Variants in CACNA1I observed in about 807,000 individuals in gnomAD.
CACNA1I encodes the protein voltage-dependent T-type calcium channel subunit alpha-1I.
A neutral mutation model predicts 201.6 loss-of-function variants in CACNA1I; 74 were observed. The ratio of observed to expected loss-of-function variants is 0.37; its 90% CI spans 0.30 to 0.45. The LOEUF is 0.45. Ranked by LOEUF, CACNA1I falls within the 20% of genes least tolerant of loss-of-function variation. CACNA1I has a pLI of 1.00. For synonymous variants in CACNA1I, 1,431 were observed against 1,345.2 expected (o/e 1.06, Z -1.40); for missense variants, 2,346 against 3,138.1 (o/e 0.75, Z 6.03).
chr22:39,673,235 G>A (rs924326918), intron 28 of CACNA1I, among the ~76,000 whole-genome samples, 153 bp downstream of exon 28: 4 of 151,984 alleles, frequency 2.6e-5, no homozygotes, highest in Admixed American at 2.0e-4. Context: ...GGGGTGAGAA[G>A]GAGCTGGGAG....
chr22:39,605,460 C>T (rs145003629), intron 3 of CACNA1I, among the ~76,000 whole-genome samples: 110 of 152,318 alleles, frequency 7.2e-4, no homozygotes, highest in African/African-American at 2.5e-3. Context: ...TGGCTCCCAC[C>T]GGATGGTACC....
chr22:39,678,984 G>A, intron 31 of CACNA1I, 123 bp from the exon 32 acceptor site: 1 of 721,764 alleles, frequency 1.4e-6, no homozygotes, highest in East Asian at 2.8e-5. Context: ...GGGCAGCCCG[G>A]GGCCATCTCG....
intron 10 of CACNA1I, among the ~76,000 whole-genome samples, chr22:39,650,771 G>A (rs1033645576): frequency 6.6e-6 from 1 of 152,204 alleles, no homozygotes; most frequent in East Asian, 1.9e-4. Context: ...AGGAGGAGTG[G>A]GCGCTGAGCT....
At chr22:39,655,409 G>A (rs1934786999) in intron 10 of CACNA1I, among the ~76,000 whole-genome samples, 1 of 152,106 alleles carries the variant, frequency 6.6e-6, no homozygotes, top group African/African-American at 2.4e-5. Flanking sequence ...GGCTGAACTT[G>A]GTGTTTTCAG....
Position 39,659,982 on chromosome 22 carries a change from G to T in CACNA1I, c.2604+130G>T. On this transcript the variant is annotated intron_variant, in intron 14 of 36. Coordinates refer to ENST00000402142, the MANE Select transcript of CACNA1I (RefSeq NM_021096.4). This position sits in a 1 kb window ranked among gnomAD's most constrained non-coding sequence, Gnocchi z 4.3. Reference sequence around the variant, plus strand: ...AGGCAACCTATCCCTAAAGGAGGGGGTTGCTGATGAGGTGGTGAGCTCTTC... The same window carrying T: ...AGGCAACCTATCCCTAAAGGAGGGGTTTGCTGATGAGGTGGTGAGCTCTTC... The T allele has an allele frequency of 9.9e-7, 1 of 1,007,456 alleles. No homozygotes were observed. The highest frequency in any genetic ancestry group is 1.5e-5 in the South Asian group (1 of 66,496). 62.4% of individuals were successfully genotyped at this position (1,007,456 alleles called of 1,614,324 possible).
chr22:39,636,216 T>C (rs1934216170), intron 5 of CACNA1I, among the ~76,000 whole-genome samples: 1 of 152,220 alleles, frequency 6.6e-6, no homozygotes, highest in Admixed American at 6.5e-5. Flanking sequence ...TCTCCTCCTC[T>C]GTGGTCTTCC....
At chr22:39,600,955 ATAG>A (rs1199486869) in intron 3 of CACNA1I, among the ~76,000 whole-genome samples, 1 of 152,164 alleles carries the variant, frequency 6.6e-6, no homozygotes, top group African/African-American at 2.4e-5. Flanking sequence ...GGGAATAATA[ATAG>A]TAGCTGCGTC....
At chr22:39,585,044 C>T in intron 1 of CACNA1I, among the ~76,000 whole-genome samples, 1 of 152,174 alleles carries the variant, frequency 6.6e-6, no homozygotes, top group Non-Finnish European at 1.5e-5. Context: ...ACCTTCCTTT[C>T]TAGTTCTATG....
intron 24 of CACNA1I, among the ~76,000 whole-genome samples, chr22:39,669,585 G>GTGGC (rs1327209875): frequency 1.3e-5 from 2 of 150,968 alleles, no homozygotes; most frequent in South Asian, 4.2e-4. Context: ...AAATGAATGG[G>GTGGC]TGGCTGGCTG....
Position 39,664,721 on chromosome 22 carries a change from G to GCCCC in CACNA1I, c.3667-17_3667-14dup. 1 of 1,187,020 alleles carries GCCCC rather than the reference G, an allele frequency of 8.4e-7. No individual in the cohort carries two copies. 73.5% of individuals were successfully genotyped at this position (1,187,020 alleles called of 1,614,324 possible). ...CCCCTCCCGCGGCAGCCTGACCCCG[G>GCCCC]CCCCACCCCCGCCCCAGGTAGTCTC... On this transcript the variant is annotated splice_polypyrimidine_tract_variant and intron_variant, in intron 20 of 36. Coordinates refer to ENST00000402142, the MANE Select transcript of CACNA1I (RefSeq NM_021096.4).
intron 3 of CACNA1I, among the ~76,000 whole-genome samples, chr22:39,614,027 T>C (rs866654992): frequency 6.6e-6 from 1 of 152,138 alleles, no homozygotes; most frequent in Non-Finnish European, 1.5e-5. Flanking sequence ...TTTGTATTTT[T>C]AGTAGAGACA....
chr22:39,678,731 A>G (rs1935590078), intron 31 of CACNA1I, among the ~76,000 whole-genome samples: 1 of 152,052 alleles, frequency 6.6e-6, no homozygotes, highest in South Asian at 2.1e-4. Flanking sequence ...TGAGCTGAAA[A>G]ACCAGAAAGG....
intron 4 of CACNA1I, 90 bp downstream of exon 4, chr22:39,619,497 C>G (rs927203010): frequency 6.6e-6 from 6 of 907,082 alleles, no homozygotes; most frequent in East Asian, 4.8e-5. Flanking sequence ...CCCACCCCCC[C>G]ACCCTGCTTC....
At chr22:39,632,304 A>C (rs894616319) in intron 4 of CACNA1I, among the ~76,000 whole-genome samples, 15 of 152,030 alleles carry the variant, frequency 9.9e-5, no homozygotes, top group African/African-American at 2.9e-4. Flanking sequence ...TCTTTTTTGA[A>C]GCTCAGAGCT....
chr22:39,649,102 A>G lies in CACNA1I; in HGVS notation c.1568-399A>G, dbSNP rs1240925272. Among the ~76,000 whole-genome samples, 3 of 152,124 alleles carry G rather than the reference A, an allele frequency of 2.0e-5. No homozygotes were observed. Among genetic ancestry groups the G allele is most frequent in the East Asian group, 1.9e-4 (1 of 5,188 alleles). On this transcript the variant is annotated intron_variant, in intron 9 of 36. Transcript: ENST00000402142. The surrounding 1 kb of genome is among the most constrained non-coding windows in gnomAD (Gnocchi z 7.3). Reference sequence around the variant, plus strand: ...CTTCTCTGACGGGGGCTGCCCCCACATTGGCCTGACTCTTTCAGAATCACA... The same window carrying G: ...CTTCTCTGACGGGGGCTGCCCCCACGTTGGCCTGACTCTTTCAGAATCACA...
intron 3 of CACNA1I, among the ~76,000 whole-genome samples, chr22:39,611,256 T>C (rs1216294789): frequency 6.6e-6 from 1 of 152,162 alleles, no homozygotes; most frequent in East Asian, 1.9e-4. Context: ...TTAGTATTGT[T>C]AACACCATTT....
chr22:39,664,190 T>C, intron 20 of CACNA1I, 31 bp downstream of exon 20: 1 of 1,588,764 alleles, frequency 6.3e-7, no homozygotes. Context: ...GGACCCCTGC[T>C]AGCCCCAGCT....
At position 39,656,640 on chromosome 22, in the gene CACNA1I, A is replaced by G. The variant is rs935185040; in HGVS notation, c.1993-1512A>G. The stretch of plus-strand genomic sequence containing the variant: ...TCATTCAAATTTGTGGTAGCCATGC[A>G]GGAATGAATGAATGAATGAATGAAT... On this transcript the variant is annotated intron_variant, in intron 10 of 36. Transcript: ENST00000402142. The G allele has an allele frequency of 3.0e-4, 155 of 518,266 alleles. 1 individual carries two copies. Among genetic ancestry groups the G allele is most frequent in the South Asian group, 7.0e-4 (50 of 71,556 alleles). 32.1% of individuals were successfully genotyped at this position (518,266 alleles called of 1,614,324 possible). A position where few individuals can be genotyped will look rare whatever the true frequency, so the allele number is the denominator to read the frequency against.
At chr22:39,613,779 G>A (rs1163102552) in intron 3 of CACNA1I, among the ~76,000 whole-genome samples, 1 of 152,230 alleles carries the variant, frequency 6.6e-6, no homozygotes, top group African/African-American at 2.4e-5. Context: ...CAGTGGGAGA[G>A]GGGGCAGGTC....
Sources: allele counts gnomAD v4.1 joint callset (sites outside exome capture counted in the v4.1 genomes callset), GRCh38; gene constraint gnomAD v4.1.1; non-coding constraint Gnocchi (gnomAD v3.1); transcripts MANE v1.5; gene names NCBI Gene and HGNC (gene_info 2026-07-23, HGNC 2026-07-21).